The following INVS variants were observed in gnomAD, a reference collection of about 807,000 sequenced individuals.
INVS encodes inversin.
INVS carries 86 observed loss-of-function variants against 108.8 expected under a neutral mutation model. The ratio of observed to expected loss-of-function variants is 0.79; its 90% CI spans 0.66 to 0.95. INVS has a LOEUF of 0.95. Ranked by LOEUF, INVS falls within the 40% of genes least tolerant of loss-of-function variation. The probability of loss-of-function intolerance (pLI) is 0.00; values close to 1 mark genes in which losing one functional copy is unlikely to be tolerated. For missense variants in INVS, 1,169 were observed against 1,297.4 expected (o/e 0.90, Z 1.52); for synonymous variants, 455 against 473.5 (o/e 0.96, Z 0.51).
At chr9:100,236,004 CA>C (rs1270361447) in intron 5 of INVS, among the ~76,000 whole-genome samples, 1 of 151,884 alleles carries the variant, frequency 6.6e-6, no homozygotes. Flanking sequence ...TCAGGTACAC[CA>C]GCATAGGTTT....
At chr9:100,209,845 AC>A (rs1830784455) in intron 3 of INVS, among the ~76,000 whole-genome samples, 1 of 150,564 alleles carries the variant, frequency 6.6e-6, no homozygotes, top group African/African-American at 2.4e-5. Context: ...AAACTCCTTG[AC>A]CCTGCACTTT....
intron 3 of INVS, among the ~76,000 whole-genome samples, chr9:100,205,026 C>T (rs1342985579): frequency 6.6e-6 from 1 of 152,056 alleles, no homozygotes; most frequent in African/African-American, 2.4e-5. Flanking sequence ...ATTGAAGACA[C>T]TGTGACAATA....
rs10530240 is a variant in INVS at position 100,299,635 on chromosome 9, GACACACACAC to G, written c.3092-896_3092-887del. ...AAGAATCTCAGCAGAGCCTTTTATT[GACACACACAC>G]ACACACACACACACACACACACACA... On this transcript the variant is annotated intron_variant, in intron 16 of 16. Transcript: ENST00000262457. Among the ~76,000 whole-genome samples, 329 of 132,360 alleles carry G rather than the reference GACACACACAC, an allele frequency of 2.5e-3. 2 individuals are homozygous for G. Among genetic ancestry groups the G allele is most frequent in the Middle Eastern group, 7.5e-3 (2 of 266 alleles). 86.8% of individuals were successfully genotyped at this position (132,360 alleles called of 152,430 possible).
At chr9:100,229,130 A>G (rs925955446) in intron 4 of INVS, among the ~76,000 whole-genome samples, 1 of 152,096 alleles carries the variant, frequency 6.6e-6, no homozygotes, top group Non-Finnish European at 1.5e-5. Context: ...TCAACAAACA[A>G]TTTTTTCTTA....
chr9:100,126,297 G>A (rs1827881054), intron 2 of INVS, 86 bp from the exon 3 acceptor site: 1 of 1,066,264 alleles, frequency 9.4e-7, no homozygotes, highest in Non-Finnish European at 1.4e-6. Flanking sequence ...TTAGCACAAT[G>A]TTTGATAATA....
chr9:100,220,415 C>T (rs145029699), intron 3 of INVS, among the ~76,000 whole-genome samples: 2 of 152,224 alleles, frequency 1.3e-5, no homozygotes, highest in Non-Finnish European at 2.9e-5. Context: ...TTCACTGTTT[C>T]AGAGATATTG....
intron 2 of INVS, among the ~76,000 whole-genome samples, chr9:100,124,177 A>AGTGTGTGTGTGTGT (rs3052021): frequency 6.2e-5 from 9 of 144,230 alleles, no homozygotes; most frequent in African/African-American, 2.1e-4. Flanking sequence ...TTTGTTTCTG[A>AGTGTGTGTGTGTGT]GTGTGTGTGT....
At chr9:100,168,399 C>T (rs1056675460) in intron 3 of INVS, among the ~76,000 whole-genome samples, 4 of 152,160 alleles carry the variant, frequency 2.6e-5, no homozygotes, top group Non-Finnish European at 5.9e-5. Context: ...CATTTTTATA[C>T]CATTTATTAG....
intron 3 of INVS, among the ~76,000 whole-genome samples, chr9:100,209,991 C>T (rs940614142): frequency 1.3e-5 from 2 of 152,236 alleles, no homozygotes; most frequent in South Asian, 2.1e-4. Flanking sequence ...ACAATGCCGT[C>T]GCACATTCAG....
At chr9:100,298,137 C>G in intron 16 of INVS, 127 bp downstream of exon 16, 1 of 1,558,900 alleles carries the variant, frequency 6.4e-7, no homozygotes. Context: ...CATTTGATTT[C>G]ATGGGATTAT....
intron 3 of INVS, among the ~76,000 whole-genome samples, chr9:100,202,991 A>G (rs1830574518): frequency 6.6e-6 from 1 of 152,252 alleles, no homozygotes; most frequent in African/African-American, 2.4e-5. Context: ...AGTGGTAGGC[A>G]TGAAAGTAAT....
At chr9:100,158,964 A>G (rs7026567) in intron 3 of INVS, among the ~76,000 whole-genome samples, 31,988 of 152,092 alleles carry the variant, frequency 0.21, 5,727 homozygotes, top group African/African-American at 0.49. Flanking sequence ...GCTGTCTACC[A>G]TGTGACATAG....
At chr9:100,193,872 T>C (rs1378957807) in intron 3 of INVS, among the ~76,000 whole-genome samples, 1 of 152,188 alleles carries the variant, frequency 6.6e-6, no homozygotes, top group African/African-American at 2.4e-5. Flanking sequence ...CTCAGCCTCC[T>C]AAAGTGCTGG....
At chr9:100,299,077 G>A (rs995753676) in intron 16 of INVS, among the ~76,000 whole-genome samples, 4 of 152,144 alleles carry the variant, frequency 2.6e-5, no homozygotes, top group Non-Finnish European at 5.9e-5. Context: ...ATGGTGTTTA[G>A]CAGCATATAA....
intron 3 of INVS, among the ~76,000 whole-genome samples, chr9:100,160,221 C>T (rs1308948317): frequency 2.6e-5 from 4 of 152,160 alleles, no homozygotes; most frequent in African/African-American, 9.7e-5. Flanking sequence ...AGACATTCTT[C>T]ATTGGTTTTA....
At chr9:100,183,267 G>A (rs901143413) in intron 3 of INVS, among the ~76,000 whole-genome samples, 7 of 151,950 alleles carry the variant, frequency 4.6e-5, no homozygotes, top group African/African-American at 1.7e-4. Context: ...AAAATTTAAA[G>A]TATAATTAAA....
At chr9:100,177,490 A>G (rs899414756) in intron 3 of INVS, among the ~76,000 whole-genome samples, 10 of 152,180 alleles carry the variant, frequency 6.6e-5, no homozygotes, top group African/African-American at 1.9e-4. Context: ...TTCCCCTCAC[A>G]GTGTAAACAA....
intron 14 of INVS, among the ~76,000 whole-genome samples, chr9:100,294,504 C>G (rs1044284689): frequency 4.6e-5 from 7 of 152,132 alleles, no homozygotes; most frequent in African/African-American, 1.7e-4. Flanking sequence ...CATGCCTGAC[C>G]CCATGTGAAC....
intron 1 of INVS, among the ~76,000 whole-genome samples, chr9:100,101,131 G>T (rs942826719): frequency 2.1e-5 from 3 of 142,326 alleles, no homozygotes; most frequent in Admixed American, 7.6e-5. Context: ...TTTTCAAAGG[G>T]TATAAAGAAC....
Sources: gnomAD v4.1 joint callset for allele counts (sites outside exome capture counted in the v4.1 genomes callset) on GRCh38, gnomAD v4.1.1 for gene constraint, MANE v1.5 for transcripts, NCBI Gene and HGNC (gene_info 2026-07-23, HGNC 2026-07-21) for gene names.